Variants in STOX2 observed in about 807,000 individuals in gnomAD.
STOX2 encodes storkhead box 2, also known as storkhead-box protein 2.
A neutral mutation model predicts 60.9 loss-of-function variants in STOX2; 28 were observed. The observed-to-expected ratio is 0.46, with a 90% CI of 0.34 to 0.63. STOX2 has a LOEUF of 0.63. Among genes scored for constraint, STOX2 ranks in the 30% least tolerant of loss-of-function variants. The probability of loss-of-function intolerance (pLI) is 0.01; values close to 1 mark genes in which losing one functional copy is unlikely to be tolerated. For synonymous variants in STOX2, 472 were observed against 463.9 expected, an observed-to-expected ratio of 1.02 and a Z score of -0.22; for missense variants, 1,024 against 1,187.7, an observed-to-expected ratio of 0.86 and a Z score of 2.03.
At chr4:183,973,517 C>T (rs965178170) in intron 1 of STOX2, among the ~76,000 whole-genome samples, 12 of 151,796 alleles carry the variant, frequency 7.9e-5, no homozygotes, top group African/African-American at 2.9e-4. Context: ...TATTTATATA[C>T]GAAGGTAAAA....
chr4:183,874,991 A>ATATATATATATATATATG (rs150927457), intron 1 of STOX2, among the ~76,000 whole-genome samples: 4 of 84,884 alleles, frequency 4.7e-5, no homozygotes, highest in Non-Finnish European at 6.7e-5. Context: ...ATATATATAT[A>ATATATATATATATATATG]TAAAACTTAG....
At position 183,906,355 on chromosome 4, in the gene STOX2, T is replaced by C. The variant is rs564442297; in HGVS notation, c.-436T>C. ...GGAGGCCTCGGCTGCCTCATTTGTT[T>C]GGGTCTTTTGTGCCGTGGCTCCCAG... On this transcript the variant is annotated 5_prime_UTR_variant, in exon 1 of 4. Coordinates refer to ENST00000308497, the MANE Select transcript of STOX2 (RefSeq NM_020225.3). The C allele has an allele frequency of 1.4e-3, 212 of 154,028 alleles. No homozygotes were observed. The highest frequency in any genetic ancestry group is 2.5e-3 in the Non-Finnish European group (171 of 69,424). The allele number at this position is 154,028 out of a possible 1,614,324, so 9.5% of individuals were successfully genotyped here.
chr4:183,832,673 T>C (rs1249510406), intron 1 of STOX2, among the ~76,000 whole-genome samples: 4 of 151,830 alleles, frequency 2.6e-5, no homozygotes, highest in African/African-American at 9.7e-5. Flanking sequence ...GTATTTTTAG[T>C]AGAGACAGGT....
intron 1 of STOX2, among the ~76,000 whole-genome samples, chr4:183,978,828 T>A (rs914650000): frequency 7.2e-5 from 11 of 152,150 alleles, no homozygotes; most frequent in Non-Finnish European, 1.6e-4. Context: ...ATGAAGCAGT[T>A]CTTTGGGGTG....
intron 1 of STOX2, among the ~76,000 whole-genome samples, chr4:183,939,738 G>A (rs1388036513): frequency 1.3e-5 from 2 of 152,038 alleles, no homozygotes; most frequent in African/African-American, 2.4e-5. Context: ...AGGCTCTAGC[G>A]TTCTCCCAGC....
intron 1 of STOX2, among the ~76,000 whole-genome samples, chr4:183,884,964 C>T (rs1190418124): frequency 3.3e-5 from 5 of 152,176 alleles, no homozygotes; most frequent in Admixed American, 6.5e-5. Flanking sequence ...CAGCTGTGTG[C>T]CTGGGCGTCG....
chr4:183,851,352 A>G (rs373203092), intron 1 of STOX2, among the ~76,000 whole-genome samples: 508 of 31,642 alleles, frequency 0.016, 1 homozygote, highest in Middle Eastern at 0.02. Context: ...AAAGGATGAG[A>G]GAAAGGATGA....
At chr4:183,800,172 A>G (rs1410864861) in intron 1 of STOX2, among the ~76,000 whole-genome samples, 4 of 140,046 alleles carry the variant, frequency 2.9e-5, no homozygotes, top group African/African-American at 8.1e-5. Flanking sequence ...AAAATTCTCA[A>G]TATCTGCTGC....
At chr4:183,971,766 A>G (rs1359439531) in intron 1 of STOX2, among the ~76,000 whole-genome samples, 3 of 152,264 alleles carry the variant, frequency 2.0e-5, no homozygotes, top group Non-Finnish European at 4.4e-5. Flanking sequence ...ACAAAGTCCA[A>G]AGTGAACATA....
chr4:184,004,532 C>A (rs946715649), intron 2 of STOX2, among the ~76,000 whole-genome samples: 1 of 151,998 alleles, frequency 6.6e-6, no homozygotes, highest in South Asian at 2.1e-4. Flanking sequence ...CCCGGGAGGC[C>A]GAGCTTGCAG....
intron 1 of STOX2, among the ~76,000 whole-genome samples, chr4:183,837,178 T>C (rs1457633760): frequency 1.3e-5 from 2 of 152,168 alleles, no homozygotes; most frequent in East Asian, 3.9e-4. Flanking sequence ...GGCCATTCCC[T>C]TTATTTTTAA....
intron 1 of STOX2, among the ~76,000 whole-genome samples, chr4:183,810,280 G>A (rs928777155): frequency 6.6e-6 from 1 of 152,142 alleles, no homozygotes; most frequent in African/African-American, 2.4e-5. Context: ...TTGTGTATCT[G>A]GACCAGGGAC....
intron 1 of STOX2, among the ~76,000 whole-genome samples, chr4:183,803,932 C>T (rs1738825751): frequency 6.6e-6 from 1 of 151,996 alleles, no homozygotes; most frequent in Non-Finnish European, 1.5e-5. Flanking sequence ...CACGACACTG[C>T]ACTCCAGCCT....
intron 1 of STOX2, among the ~76,000 whole-genome samples, chr4:183,890,435 G>T (rs1002880083): frequency 6.7e-6 from 1 of 148,566 alleles, no homozygotes; most frequent in African/African-American, 2.5e-5. Flanking sequence ...GTGAGCCAAG[G>T]TTGCGTCACT....
intron 1 of STOX2, among the ~76,000 whole-genome samples, chr4:183,990,332 TATTC>T (rs1215203488): frequency 6.6e-6 from 1 of 152,226 alleles, no homozygotes. Context: ...GTTAAGTTTC[TATTC>T]ATTCATGTGT....
intron 1 of STOX2, among the ~76,000 whole-genome samples, chr4:183,966,005 AG>A (rs1410329531): frequency 1.4e-5 from 2 of 147,294 alleles, no homozygotes; most frequent in Non-Finnish European, 3.0e-5. Context: ...GGACATGTTG[AG>A]TTTGAGGCAC....
intron 1 of STOX2, among the ~76,000 whole-genome samples, chr4:183,849,544 T>G (rs1408561846): frequency 6.6e-6 from 1 of 152,196 alleles, no homozygotes; most frequent in East Asian, 1.9e-4. Context: ...CTGGCTGGCT[T>G]TATCTAAAAT....
intron 1 of STOX2, among the ~76,000 whole-genome samples, chr4:183,935,489 A>C (rs1742566302): frequency 6.6e-6 from 1 of 152,246 alleles, no homozygotes. Context: ...AGTCAAAGGG[A>C]AACTGAAGTG....
intron 1 of STOX2, among the ~76,000 whole-genome samples, chr4:183,828,647 A>G (rs1739491020): frequency 6.6e-6 from 1 of 152,184 alleles, no homozygotes; most frequent in African/African-American, 2.4e-5. Flanking sequence ...GTTTTTAGGT[A>G]CATGCTTTTA....
Sources: allele counts gnomAD v4.1 joint callset (sites outside exome capture counted in the v4.1 genomes callset), GRCh38; gene constraint gnomAD v4.1.1; transcripts MANE v1.5; gene names NCBI Gene and HGNC (gene_info 2026-07-23, HGNC 2026-07-21).